Variants in SNTG2 observed in about 807,000 individuals in gnomAD.
SNTG2 encodes the protein syntrophin gamma 2, also known as gamma-2-syntrophin.
In SNTG2, 74 loss-of-function variants were observed where a neutral mutation model predicts 70.9. The ratio of observed to expected loss-of-function variants is 1.04; its 90% confidence interval spans 0.86 to 1.27. SNTG2 has a LOEUF of 1.27. Ranked by LOEUF, SNTG2 falls within the 50% of genes most tolerant of loss-of-function variation. The pLI, the probability that SNTG2 is intolerant of heterozygous loss-of-function variation, is 0.00. For missense variants in SNTG2, 717 were observed against 690.7 expected (o/e 1.04, Z -0.43); for synonymous variants, 278 against 273.8 (o/e 1.02, Z -0.15).
At chr2:984,749 A>G (rs1467334385) in intron 1 of SNTG2, among the ~76,000 whole-genome samples, 1 of 152,220 alleles carries the variant, frequency 6.6e-6, no homozygotes, top group Non-Finnish European at 1.5e-5. Flanking sequence ...GTGTGTTCTC[A>G]GCGGGGAAGA....
chr2:996,662 T>A (rs1016066088), intron 1 of SNTG2, among the ~76,000 whole-genome samples: 12 of 143,864 alleles, frequency 8.3e-5, no homozygotes, highest in African/African-American at 2.8e-4. Context: ...TGCTTGTATT[T>A]GAGTTACCCA....
At chr2:1,220,394 C>T (rs1478359881) in intron 9 of SNTG2, among the ~76,000 whole-genome samples, 3 of 152,220 alleles carry the variant, frequency 2.0e-5, no homozygotes, top group Admixed American at 6.5e-5. Flanking sequence ...CAGCCCCTCC[C>T]TCAGGCCAGC....
intron 15 of SNTG2, among the ~76,000 whole-genome samples, chr2:1,310,531 C>T (rs949786176): frequency 6.6e-6 from 1 of 152,224 alleles, no homozygotes; most frequent in Non-Finnish European, 1.5e-5. Context: ...TGATTTTCAC[C>T]TGGAGTGGCC....
Position 1,068,244 on chromosome 2 carries a change from CTG to C in SNTG2, c.73-15270_73-15269del, listed in dbSNP as rs1024034463. ...TCCTCACATAGCAGGGCGCCCGTAA[CTG>C]TGTCAGCAGGCCTTGTTTTTAAAAA... On this transcript the variant is annotated intron_variant, in intron 1 of 16. Coordinates refer to ENST00000308624, the MANE Select transcript of SNTG2 (RefSeq NM_018968.4). 1.6e-4 allele frequency: 24 copies of C among 152,254 alleles called. 1 individual carries two copies. The highest frequency in any genetic ancestry group is 1.4e-3 in the Admixed American group (22 of 15,304). 9.4% of individuals were successfully genotyped at this position (152,254 alleles called of 1,614,324 possible).
chr2:1,158,911 G>A (rs1572599694), intron 6 of SNTG2, among the ~76,000 whole-genome samples: 2 of 152,186 alleles, frequency 1.3e-5, no homozygotes, highest in East Asian at 3.9e-4. Flanking sequence ...CCTTGCAGAT[G>A]TTGACAACAG....
chr2:1,058,177 T>C (rs1016396203), intron 1 of SNTG2, among the ~76,000 whole-genome samples: 4 of 152,162 alleles, frequency 2.6e-5, no homozygotes, highest in African/African-American at 7.2e-5. Flanking sequence ...AAATTAGTAT[T>C]TTTCTACCAA....
intron 9 of SNTG2, among the ~76,000 whole-genome samples, chr2:1,234,684 C>A (rs1158722823): frequency 1.3e-5 from 2 of 152,222 alleles, no homozygotes; most frequent in Admixed American, 1.3e-4. Flanking sequence ...CCGTGAGCCT[C>A]TGGGGCTCCA....
chr2:1,202,208 T>C (rs540764806), intron 8 of SNTG2, among the ~76,000 whole-genome samples: 1 of 152,198 alleles, frequency 6.6e-6, no homozygotes, highest in South Asian at 2.1e-4. Context: ...TTCTTTCAGA[T>C]AAATAATACT....
intron 14 of SNTG2, among the ~76,000 whole-genome samples, chr2:1,273,281 C>T (rs1171249433): frequency 1.3e-5 from 2 of 151,418 alleles, no homozygotes; most frequent in Non-Finnish European, 2.9e-5. Context: ...ACACCAATCT[C>T]TTCTGCCTGT....
At chr2:1,170,868 CTA>C (rs1671082499) in intron 7 of SNTG2, among the ~76,000 whole-genome samples, 10 of 151,660 alleles carry the variant, frequency 6.6e-5, no homozygotes, top group Non-Finnish European at 1.3e-4. Context: ...TGGATGCCGA[CTA>C]CTGGAATTGC....
At chr2:1,359,086 A>G (rs1475459245) in intron 16 of SNTG2, among the ~76,000 whole-genome samples, 6 of 152,146 alleles carry the variant, frequency 3.9e-5, no homozygotes, top group African/African-American at 1.2e-4. Flanking sequence ...GAATATTTGT[A>G]TATCCATAAT....
At chr2:1,170,063 C>G (rs759782157) in intron 7 of SNTG2, among the ~76,000 whole-genome samples, 11 of 152,228 alleles carry the variant, frequency 7.2e-5, no homozygotes, top group African/African-American at 2.2e-4. Flanking sequence ...AGAAATCCAC[C>G]GAGCAGCTCC....
At chr2:1,140,421 G>T (rs142489947) in intron 6 of SNTG2, among the ~76,000 whole-genome samples, 156 of 152,302 alleles carry the variant, frequency 1.0e-3, no homozygotes, top group African/African-American at 3.6e-3. Context: ...GAAAAAGGGA[G>T]ATCGATGACG....
At chr2:992,413 A>G (rs1273461871) in intron 1 of SNTG2, among the ~76,000 whole-genome samples, 1 of 152,228 alleles carries the variant, frequency 6.6e-6, no homozygotes, top group Non-Finnish European at 1.5e-5. Flanking sequence ...TTCTTGATAC[A>G]GTATTTAGTA....
chr2:1,067,814 C>T (rs181033053), intron 1 of SNTG2, among the ~76,000 whole-genome samples: 3 of 152,264 alleles, frequency 2.0e-5, no homozygotes, highest in Admixed American at 6.5e-5. Flanking sequence ...CAAATGACCC[C>T]CACCCGTAAA....
At chr2:1,294,460 C>T (rs765334715) in intron 14 of SNTG2, among the ~76,000 whole-genome samples, 108 of 152,210 alleles carry the variant, frequency 7.1e-4, no homozygotes, top group Non-Finnish European at 1.2e-3. Context: ...ATCTGAAAAA[C>T]AGAGATTTAG....
chr2:1,142,595 A>C (rs1014477032), intron 6 of SNTG2, among the ~76,000 whole-genome samples: 1 of 152,192 alleles, frequency 6.6e-6, no homozygotes, highest in Non-Finnish European at 1.5e-5. Context: ...TCCTTCTGGG[A>C]CCACACACCA....
intron 1 of SNTG2, among the ~76,000 whole-genome samples, chr2:1,036,729 C>T (rs1661149914): frequency 2.5e-5 from 2 of 79,436 alleles, no homozygotes; most frequent in South Asian, 3.1e-4. Flanking sequence ...AGCTGATCCC[C>T]CAATTGTGTT....
rs116773854 is a variant in SNTG2, at chr2:1,026,436, C to A, written c.73-57082C>A. 4.7e-3 allele frequency among the ~76,000 whole-genome samples: 719 copies of A among 152,326 alleles called. 4 individuals are homozygous for A. The highest frequency in any genetic ancestry group is 0.01 in the Middle Eastern group (3 of 294). On this transcript the variant is annotated intron_variant, in intron 1 of 16. Transcript: ENST00000308624. ...CTCATTAGAGTTACCAGTACAGGGA[C>A]TTAGCCCTCTGACAATAGTTTTAGG...
Sources: allele counts gnomAD v4.1 joint callset (sites outside exome capture counted in the v4.1 genomes callset), GRCh38; gene constraint gnomAD v4.1.1; transcripts MANE v1.5; gene names NCBI Gene and HGNC (gene_info 2026-07-23, HGNC 2026-07-21).